Variants in GHITM observed in about 807,000 individuals in gnomAD.
GHITM encodes the protein growth hormone inducible transmembrane protein, also known as growth hormone-inducible transmembrane protein.
GHITM carries 24 observed loss-of-function variants against 38.7 expected under a neutral mutation model. The observed-to-expected ratio is 0.62, with a 90% CI of 0.45 to 0.87. The LOEUF (loss-of-function observed/expected upper bound fraction) is 0.87, where lower values mean the gene tolerates loss of function less well. Ranked by LOEUF, GHITM falls within the 40% of genes least tolerant of loss-of-function variation. GHITM has a pLI of 0.00. For synonymous variants in GHITM, 154 were observed against 147.8 expected (o/e 1.04, Z -0.30); for missense variants, 420 against 429.8 (o/e 0.98, Z 0.20).
At chr10:84,145,085 G>A (rs945681654) in intron 5 of GHITM, 69 bp downstream of exon 5, 81 of 1,250,216 alleles carry the variant, frequency 6.5e-5, no homozygotes, top group Non-Finnish European at 8.7e-5. Flanking sequence ...ATATTGGAGG[G>A]AAGGGTTATT....
At chr10:84,141,752 A>C in intron 2 of GHITM, 123 bp downstream of exon 2, 2 of 836,896 alleles carry the variant, frequency 2.4e-6, no homozygotes, top group Non-Finnish European at 2.0e-6. Flanking sequence ...AATATCCCCA[A>C]TCAGCTCTTT....
chr10:84,143,884 G>A lies in GHITM; in HGVS notation c.230-111G>A. 3.7e-6 allele frequency: 3 copies of A among 808,708 alleles called. No homozygotes were observed. In the South Asian group the frequency reaches 4.4e-5, roughly 12 times the overall value. 50.1% of individuals were successfully genotyped at this position (808,708 alleles called of 1,614,324 possible). On this transcript the variant is annotated intron_variant, in intron 3 of 8. Transcript: ENST00000372134. Reference sequence around the variant, plus strand: ...GCAATTTCTGTACCCCATATGCACTGATTATGGCTTCTATTAAATATGGTA... The same window carrying A: ...GCAATTTCTGTACCCCATATGCACTAATTATGGCTTCTATTAAATATGGTA...
In GHITM at chr10:84,148,796, C is replaced by G; in HGVS notation, c.550C>G (p.Gln184Glu). The G allele has an allele frequency of 1.2e-6, 2 of 1,612,874 alleles. No individual in the cohort carries two copies. The highest frequency in any genetic ancestry group is 1.7e-6 in the Non-Finnish European group (2 of 1,178,900). Residue 184 changes from glutamine (Q) to glutamate (E), a missense_variant, in exon 6 of 9, where the codon CAG becomes GAG. By Grantham distance (29) the Gln-to-Glu change is conservative. Transcript: ENST00000372134. ...GCTGGTACGATCAATACCATATGAC[C>G]AGAGCCCAGGCCCAAAGCATCTTGC... The part of the protein sequence containing the change: ...GMLVRSIPYD[Q>E]SPGPKHLAWL...
intron 3 of GHITM, among the ~76,000 whole-genome samples, chr10:84,143,605 T>A (rs1841529319): frequency 6.6e-6 from 1 of 152,206 alleles, no homozygotes; most frequent in South Asian, 2.1e-4. Flanking sequence ...GTTAATACCA[T>A]GCAGTATGGT....
intron 3 of GHITM, among the ~76,000 whole-genome samples, chr10:84,142,998 T>C (rs1270570876): frequency 3.9e-5 from 6 of 152,202 alleles, no homozygotes; most frequent in African/African-American, 1.2e-4. Context: ...TAATATGCCA[T>C]GGTCCAAAAG....
In GHITM at chr10:84,150,082, T is replaced by C; in HGVS notation, c.620T>C (p.Leu207Pro). 1 of 1,603,028 alleles carries C rather than the reference T, an allele frequency of 6.2e-7. No individual in the cohort carries two copies. Among genetic ancestry groups the C allele is most frequent in the Non-Finnish European group, 8.5e-7 (1 of 1,172,534 alleles). ...GTGATGGGTGCAGTGGTGGCTCCTC[T>C]GACAATATTAGGGGGTCCTCTTCTC... ...SGVMGAVVAP[L>P]TILGGPLLIR... Residue 207 changes from leucine (L) to proline (P), a missense_variant, in exon 7 of 9, where the codon CTG (leucine) becomes CCG (proline). By Grantham distance (98) the Leu-to-Pro change is moderately conservative (BLOSUM62 -3). Transcript: ENST00000372134.
intron 7 of GHITM, 81 bp from the exon 8 acceptor site, chr10:84,150,628 T>A (rs1841602084): frequency 8.9e-7 from 1 of 1,120,592 alleles, no homozygotes; most frequent in Non-Finnish European, 1.3e-6. Context: ...AGGAGATTTT[T>A]TTTTAAGTAA....
chr10:84,149,228 CTG>C (rs1276308507), intron 6 of GHITM, among the ~76,000 whole-genome samples: 1 of 152,094 alleles, frequency 6.6e-6, no homozygotes, highest in Non-Finnish European at 1.5e-5. Context: ...TAACAAAAAA[CTG>C]AGAGGAGTCC....
At position 84,143,992 on chromosome 10, in the gene GHITM, C is replaced by T. The variant is rs780149704; in HGVS notation, c.230-3C>T. On this transcript the variant is annotated splice_region_variant and splice_polypyrimidine_tract_variant and intron_variant, in intron 3 of 8. Transcript: ENST00000372134. ...AACCTGCATTTCCTTCTGTGTTCTGCAGTTGATCAGATGGGAAGATGGTTT... is the reference window on the plus strand; with the variant it reads ...AACCTGCATTTCCTTCTGTGTTCTGTAGTTGATCAGATGGGAAGATGGTTT... The T allele has an allele frequency of 2.4e-5, 38 of 1,595,052 alleles. No homozygotes were observed. Among genetic ancestry groups the T allele is most frequent in the Non-Finnish European group, 3.3e-5 (38 of 1,162,726 alleles).
In GHITM at chr10:84,151,655, T is replaced by G. The variant is rs867278863; in HGVS notation, c.954-609T>G. Among the ~76,000 whole-genome samples the G allele has an allele frequency of 5.3e-5, 8 of 152,340 alleles. No homozygotes were observed. In the Middle Eastern group the frequency reaches 0.014, roughly 259 times the overall value. The stretch of plus-strand genomic sequence containing the variant: ...AGTATAAAGAGTCTAGTTTCAGAGA[T>G]ATGCAACTTTAGTTGGTATTAATTG... On this transcript the variant is annotated intron_variant, in intron 8 of 8. Coordinates refer to ENST00000372134, the MANE Select transcript of GHITM (RefSeq NM_014394.3).
intron 5 of GHITM, among the ~76,000 whole-genome samples, chr10:84,146,410 T>A (rs1841557162): frequency 6.6e-6 from 1 of 152,136 alleles, no homozygotes; most frequent in Non-Finnish European, 1.5e-5. Flanking sequence ...TAGAGCAGAG[T>A]GTGATACTGG....
intron 1 of GHITM, 148 bp from the exon 2 acceptor site, chr10:84,141,314 C>T (rs1841503513): frequency 3.7e-6 from 2 of 547,416 alleles, no homozygotes; most frequent in Admixed American, 3.2e-5. Flanking sequence ...GAATTCATCG[C>T]TGAAAATTAA....
chr10:84,141,895 T>C (rs1841510593), intron 2 of GHITM, among the ~76,000 whole-genome samples: 1 of 152,072 alleles, frequency 6.6e-6, no homozygotes. Context: ...TTGTGAGGGA[T>C]TGAGAGTTAC....
chr10:84,147,401 A>G (rs1841566754), intron 5 of GHITM, among the ~76,000 whole-genome samples: 1 of 152,152 alleles, frequency 6.6e-6, no homozygotes, highest in African/African-American at 2.4e-5. Context: ...CCAGCTCAGT[A>G]TGCTTTTTCA....
chr10:84,140,351 T>G (rs992562181), intron 1 of GHITM: 15 of 152,226 alleles, frequency 9.9e-5, no homozygotes, highest in Non-Finnish European at 1.9e-4. Flanking sequence ...CTCGGGTATC[T>G]TAAAGCAATA....
At chr10:84,152,050 A>T (rs1279552955) in intron 8 of GHITM, among the ~76,000 whole-genome samples, 2 of 152,178 alleles carry the variant, frequency 1.3e-5, no homozygotes, top group Non-Finnish European at 2.9e-5. Flanking sequence ...ATTTTTTTAA[A>T]CTGCTCTTTA....
chr10:84,140,953 T>A (rs1438384083), intron 1 of GHITM, among the ~76,000 whole-genome samples: 2 of 152,340 alleles, frequency 1.3e-5, no homozygotes, highest in East Asian at 3.9e-4. Flanking sequence ...TAGCTGAAAT[T>A]CATATAGTTG....
intron 8 of GHITM, among the ~76,000 whole-genome samples, chr10:84,151,915 C>A (rs1159208500): frequency 1.3e-5 from 2 of 152,060 alleles, no homozygotes; most frequent in African/African-American, 4.8e-5. Flanking sequence ...TTAAAAAATG[C>A]TAGACTTGTG....
chr10:84,143,970 C>A (rs2306320), intron 3 of GHITM, 25 bp from the exon 4 acceptor site: 8 of 1,446,080 alleles, frequency 5.5e-6, no homozygotes, highest in African/African-American at 2.8e-5. Context: ...CAGTACTAAC[C>A]TGCATTTCCT....
Sources: allele counts gnomAD v4.1 joint callset (sites outside exome capture counted in the v4.1 genomes callset), GRCh38; gene constraint gnomAD v4.1.1; transcripts MANE v1.5; gene names NCBI Gene and HGNC (gene_info 2026-07-23, HGNC 2026-07-21).